Variants in CFAP54 observed in about 807,000 individuals in gnomAD.
CFAP54 encodes cilia- and flagella-associated protein 54.
Under a neutral mutation model 370.4 loss-of-function variants are expected in CFAP54, and 290 were observed. That is an observed-to-expected ratio of 0.78 (90% CI 0.71 to 0.86). CFAP54 has a LOEUF of 0.86. Ranked by LOEUF, CFAP54 falls within the 40% of genes least tolerant of loss-of-function variation. The pLI, the probability that CFAP54 is intolerant of heterozygous loss-of-function variation, is 0.00. For missense variants in CFAP54, 3,399 were observed against 3,528.7 expected, an observed-to-expected ratio of 0.96 and a Z score of 0.93; for synonymous variants, 1,206 against 1,236.5, an observed-to-expected ratio of 0.98 and a Z score of 0.52.
intron 38 of CFAP54, among the ~76,000 whole-genome samples, chr12:96,659,220 ACC>A (rs1392984528): frequency 1.6e-4 from 25 of 152,196 alleles, no homozygotes; most frequent in African/African-American, 4.8e-4. Flanking sequence ...TGATCTCAAC[ACC>A]TCCTGGGTTC....
chr12:96,607,067 A>G (rs1450926649), intron 26 of CFAP54, among the ~76,000 whole-genome samples: 1 of 152,226 alleles, frequency 6.6e-6, no homozygotes, highest in Non-Finnish European at 1.5e-5. Flanking sequence ...ACCTTAGCAA[A>G]GAAGCCATTA....
chr12:96,684,880 C>T, intron 41 of CFAP54, 145 bp downstream of exon 41: 1 of 952,798 alleles, frequency 1.0e-6, no homozygotes, highest in East Asian at 2.6e-5. Context: ...CAAATGCTAC[C>T]TGAGAGAAAC....
chr12:96,574,501 T>C (rs553241486), intron 19 of CFAP54, among the ~76,000 whole-genome samples: 1 of 152,114 alleles, frequency 6.6e-6, no homozygotes, highest in Non-Finnish European at 1.5e-5. Context: ...ATTTTGGTTA[T>C]TGGCTAAAAT....
chr12:96,534,296 A>C, intron 11 of CFAP54, 69 bp downstream of exon 11: 4 of 918,624 alleles, frequency 4.4e-6, no homozygotes, highest in South Asian at 1.9e-5. Context: ...ATATGGTGAG[A>C]GAAAGGATGT....
chr12:96,803,730 G>A (rs1237555597), intron 63 of CFAP54, among the ~76,000 whole-genome samples: 2 of 151,894 alleles, frequency 1.3e-5, no homozygotes, highest in African/African-American at 4.8e-5. Context: ...TACACCCTCA[G>A]GAAAAAATAA....
chr12:96,618,000 G>T (rs1264409828), intron 26 of CFAP54, among the ~76,000 whole-genome samples: 1 of 54,584 alleles, frequency 1.8e-5, no homozygotes, highest in South Asian at 5.6e-4. Context: ...AAAAAAAAAA[G>T]GAATATATTT....
In CFAP54 at chr12:96,527,248, A is replaced by G; in HGVS notation, c.1161A>G (p.Leu387=). Residue 387 remains leucine (L), a splice_region_variant and synonymous_variant, in exon 9 of 68, where the codon TTA becomes TTG. Coordinates refer to ENST00000524981, the MANE Select transcript of CFAP54 (RefSeq NM_001306084.2). ...IRINLREVQT[L]SWPRTVTERL... is the part of the protein sequence containing the mutation. ...ACTTTTTTTTTTCTCAATTTCAGTTATCATGGCCACGAACTGTCACAGAGC... is the reference window on the plus strand; with the variant it reads ...ACTTTTTTTTTTCTCAATTTCAGTTGTCATGGCCACGAACTGTCACAGAGC... 1 of 1,502,138 alleles carries G rather than the reference A, an allele frequency of 6.7e-7. No homozygotes were observed. The highest frequency in any genetic ancestry group is 8.8e-7 in the Non-Finnish European group (1 of 1,131,880). The allele number at this position is 1,502,138 out of a possible 1,614,324, so 93.1% of individuals were successfully genotyped here. A position where few individuals can be genotyped will look rare whatever the true frequency, so the allele number is the denominator to read the frequency against.
intron 50 of CFAP54, among the ~76,000 whole-genome samples, chr12:96,727,668 C>A (rs1291830410): frequency 6.6e-6 from 1 of 151,866 alleles, no homozygotes; most frequent in Non-Finnish European, 1.5e-5. Flanking sequence ...AGCACTTAGT[C>A]CATTTACATT....
intron 19 of CFAP54, among the ~76,000 whole-genome samples, chr12:96,571,764 A>G (rs1338174800): frequency 6.6e-6 from 1 of 151,774 alleles, no homozygotes; most frequent in Non-Finnish European, 1.5e-5. Flanking sequence ...CCTTTTTTCT[A>G]GTTGAAGAAC....
At chr12:96,666,973 G>C (rs1333444361) in intron 39 of CFAP54, among the ~76,000 whole-genome samples, 3 of 152,216 alleles carry the variant, frequency 2.0e-5, no homozygotes, top group African/African-American at 7.2e-5. Flanking sequence ...TACAGGCATT[G>C]GACAAATACA....
chr12:96,535,488 TC>T (rs2136382458), intron 11 of CFAP54, 26 bp from the exon 12 acceptor site: 1 of 1,436,024 alleles, frequency 7.0e-7, no homozygotes, highest in Non-Finnish European at 9.4e-7. Flanking sequence ...TTTTTTTGTT[TC>T]ATTTTCCTCT....
chr12:96,527,706 C>G (rs1805510721), intron 9 of CFAP54, among the ~76,000 whole-genome samples: 1 of 152,034 alleles, frequency 6.6e-6, no homozygotes, highest in African/African-American at 2.4e-5. Context: ...GTAGCTGGGA[C>G]TACAGGTGCA....
At chr12:96,688,389 C>A (rs1434989579) in intron 42 of CFAP54, among the ~76,000 whole-genome samples, 2 of 152,140 alleles carry the variant, frequency 1.3e-5, no homozygotes, top group African/African-American at 2.4e-5. Context: ...ACTGTGCGCC[C>A]CCTTTTACCA....
At chr12:96,640,161 A>T (rs921173032) in intron 32 of CFAP54, among the ~76,000 whole-genome samples, 4 of 152,156 alleles carry the variant, frequency 2.6e-5, no homozygotes, top group African/African-American at 9.7e-5. Context: ...AGACGACATG[A>T]TTATATATCT....
At chr12:96,647,169 C>A (rs1350553974) in intron 33 of CFAP54, 1 of 151,636 alleles carries the variant, frequency 6.6e-6, no homozygotes, top group Non-Finnish European at 1.5e-5. Flanking sequence ...AATGCCTAGA[C>A]CTTATTTTAA....
chr12:96,601,792 T>C (rs899785425), intron 26 of CFAP54, among the ~76,000 whole-genome samples: 3 of 152,112 alleles, frequency 2.0e-5, no homozygotes, highest in Admixed American at 1.3e-4. Flanking sequence ...TCTGTGGGAT[T>C]GGTGGTGATA....
chr12:96,837,432 A>G (rs1384846541), intron 66 of CFAP54, among the ~76,000 whole-genome samples: 1 of 152,192 alleles, frequency 6.6e-6, no homozygotes, highest in Non-Finnish European at 1.5e-5. Flanking sequence ...TTTTCTTTTC[A>G]TCAATTTCCT....
intron 50 of CFAP54, among the ~76,000 whole-genome samples, chr12:96,735,961 T>G (rs1259527009): frequency 6.6e-6 from 1 of 152,104 alleles, no homozygotes; most frequent in East Asian, 1.9e-4. Context: ...AAAGGAAGAA[T>G]ACACTCAGAA....
In CFAP54 at chr12:96,786,815, A is replaced by G. The variant is rs1284531470; in HGVS notation, c.8596A>G (p.Ile2866Val). Residue 2866 changes from isoleucine (I) to valine (V), a missense_variant, in exon 62 of 68, where the codon ATT (isoleucine) becomes GTT (valine). Physicochemically the swap from Ile to Val is conservative, Grantham distance 29 (BLOSUM62 3). Coordinates refer to ENST00000524981, the MANE Select transcript of CFAP54 (RefSeq NM_001306084.2). ...CTTACAGCTGTATTCTTCTTCTTGTATTGATGAATTTCCAAAAGAACTTCT... is the reference window on the plus strand; with the variant it reads ...CTTACAGCTGTATTCTTCTTCTTGTGTTGATGAATTTCCAAAAGAACTTCT... ...KFLQLYSSSC[I>V]DEFPKELLCQ... is the part of the protein sequence containing the mutation. 3 of 1,535,696 alleles carry G rather than the reference A, an allele frequency of 2.0e-6. No homozygotes were observed. Among genetic ancestry groups the G allele is most frequent in the South Asian group, 2.4e-5 (2 of 84,010 alleles).
Sources: gnomAD v4.1 joint callset for allele counts (sites outside exome capture counted in the v4.1 genomes callset) on GRCh38, gnomAD v4.1.1 for gene constraint, MANE v1.5 for transcripts, NCBI Gene and HGNC (gene_info 2026-07-23, HGNC 2026-07-21) for gene names.